Variants in ZNF117 observed in about 807,000 individuals in gnomAD.
The protein encoded by ZNF117 is zinc finger protein 117.
ZNF117 carries 37 observed loss-of-function variants against 41.2 expected under a neutral mutation model. The ratio of observed to expected loss-of-function variants is 0.90; its 90% confidence interval spans 0.69 to 1.18. ZNF117 has a LOEUF of 1.18. Among genes scored for constraint, ZNF117 ranks in the 50% most tolerant of loss-of-function variants. The probability of loss-of-function intolerance (pLI) is 0.00; values close to 1 mark genes in which losing one functional copy is unlikely to be tolerated. For synonymous variants in ZNF117, 186 were observed against 186.6 expected (o/e 1.00, Z 0.02); for missense variants, 546 against 557.5 (o/e 0.98, Z 0.21).
At chr7:64,988,778 G>A (rs1333129483) in intron 1 of ZNF117, among the ~76,000 whole-genome samples, 1 of 152,024 alleles carries the variant, frequency 6.6e-6, no homozygotes, top group Non-Finnish European at 1.5e-5. Context: ...ACAAAAATTA[G>A]TAGCATCCCT....
exon 3 of ZNF117, chr7:64,977,186 C>T (rs199791794): frequency 4.4e-4 from 196 of 446,662 alleles, no homozygotes; most frequent in Non-Finnish European, 7.4e-4. Context: ...GTTTAGTAAG[C>T]GTTGAGGACA....
chr7:64,985,036 C>A (rs2129120211), upstream of ZNF117, among the ~76,000 whole-genome samples: 1 of 152,318 alleles, frequency 6.6e-6, no homozygotes, highest in East Asian at 1.9e-4. Context: ...AGGTGATCCA[C>A]CCACCTTGGC....
chr7:64,981,144 T>A (rs1786022754), intron 2 of ZNF117: 2 of 498,232 alleles, frequency 4.0e-6, no homozygotes, highest in Non-Finnish European at 7.0e-6. Context: ...TTATATCCCA[T>A]GAAGAGGATG....
At chr7:64,977,940 A>T in exon 3 of ZNF117, 1 of 1,232,418 alleles carries the variant, frequency 8.1e-7, no homozygotes, top group Non-Finnish European at 1.2e-6. Context: ...ATGTGTAGAA[A>T]GGGTTGAAGA....
At chr7:64,981,103 CA>C (rs950760039) in intron 2 of ZNF117, 165 of 339,578 alleles carry the variant, frequency 4.9e-4, no homozygotes, top group South Asian at 6.4e-4. Flanking sequence ...AAAACAACAA[CA>C]AAAAAAAACC....
At chr7:64,982,931 G>A (rs868150501), upstream of ZNF117, among the ~76,000 whole-genome samples, 2 of 152,192 alleles carry the variant, frequency 1.3e-5, no homozygotes, top group Non-Finnish European at 2.9e-5. Context: ...ACAGAAAAAT[G>A]CAGCTTCACT....
At chr7:64,973,459 T>A (rs930223469), downstream of ZNF117, 1 of 151,930 alleles carries the variant, frequency 6.6e-6, no homozygotes, top group Non-Finnish European at 1.5e-5. Context: ...CGTTTAAAAA[T>A]TTAATAAGTT....
chr7:64,976,945 A>T, exon 3 of ZNF117: 1 of 531,100 alleles, frequency 1.9e-6, no homozygotes. Context: ...AGGGTTGATG[A>T]TAGGTTAGCT....
At chr7:64,977,772 AGAGTT>A (rs2129118369) in exon 3 of ZNF117, 5 of 924,944 alleles carry the variant, frequency 5.4e-6, no homozygotes, top group South Asian at 5.2e-5. Flanking sequence ...ATGTGTAGTA[AGAGTT>A]GAGAACTGGT....
At chr7:64,983,155 A>G (rs1481007995), upstream of ZNF117, among the ~76,000 whole-genome samples, 1 of 152,202 alleles carries the variant, frequency 6.6e-6, no homozygotes, top group Non-Finnish European at 1.5e-5. Flanking sequence ...CTGTTTGAAA[A>G]AGCATTTTAT....
At chr7:64,986,292 G>A (rs553880515), upstream of ZNF117, among the ~76,000 whole-genome samples, 14 of 152,206 alleles carry the variant, frequency 9.2e-5, no homozygotes, top group Admixed American at 7.2e-4. Flanking sequence ...GAAAATTTTG[G>A]GGGCTCCAAA....
upstream of ZNF117, chr7:64,982,198 T>C (rs1786047393): frequency 3.8e-6 from 2 of 520,770 alleles, no homozygotes; most frequent in Non-Finnish European, 6.8e-6. Flanking sequence ...AATTTCAAGG[T>C]AAAATAAAAC....
chr7:64,988,278 C>T (rs1178447975), intron 1 of ZNF117, among the ~76,000 whole-genome samples: 2 of 152,080 alleles, frequency 1.3e-5, no homozygotes, highest in East Asian at 3.9e-4. Flanking sequence ...GGCTTTATCC[C>T]TGGGATATGA....
rs763244403 is a variant in ZNF117, at chr7:64,978,187, TAGTA to T, written c.1380_1383del (p.Thr461HisfsTer4). Reference sequence around the variant, plus strand: ...TCTTCAGTATGAATTATCTTATGTGTAGTAAGTGTTGAAGATTGGTTAAAAGCTT... The same window carrying T: ...TCTTCAGTATGAATTATCTTATGTGTAGTGTTGAAGATTGGTTAAAAGCTT... On this transcript the variant is annotated frameshift_variant, in exon 3 of 3. Transcript: ENST00000620222. LOFTEE classifies it high-confidence loss of function. The T allele has an allele frequency of 4.3e-6, 7 of 1,612,590 alleles. No individual in the cohort carries two copies. In the African/African-American group the frequency reaches 8.0e-5, roughly 18 times the overall value.
In ZNF117 at chr7:64,981,487, T is replaced by TTA. The variant is rs1786032916; in HGVS notation, c.-62-6_-62-5insTA. 6.4e-7 allele frequency: 1 copy of TTA among 1,568,656 alleles called. No homozygotes were observed. The highest frequency in any genetic ancestry group is 8.8e-7 in the Non-Finnish European group (1 of 1,140,032). ...CTGGCTTAGAGACAGCAATACCTGT[T>TTA]TTATTGAAAATAAATAACATAAATC... On this transcript the variant is annotated splice_polypyrimidine_tract_variant and splice_region_variant and intron_variant, in intron 1 of 2. Transcript: ENST00000620222.
rs148032061 is a variant in ZNF117, at chr7:64,977,677, T to A, written c.*442A>T. Reference sequence around the variant, plus strand: ...GGTTTCTCTCCAGTATGAATTTTCTTATGTGTAGTAAGGTTTACGTATAGG... The same window carrying A: ...GGTTTCTCTCCAGTATGAATTTTCTAATGTGTAGTAAGGTTTACGTATAGG... On this transcript the variant is annotated 3_prime_UTR_variant, in exon 3 of 3. Transcript: ENST00000620222. 1,327 of 806,636 alleles carry A rather than the reference T, an allele frequency of 1.6e-3. 13 individuals are homozygous for A. The African/African-American group carries it at 0.017, about 10-fold the overall frequency. 50.0% of individuals were successfully genotyped at this position (806,636 alleles called of 1,614,324 possible).
chr7:64,989,442 A>ATT lies in ZNF117; in HGVS notation c.-196+503_-196+504dup, dbSNP rs1365088202. On this transcript the variant is annotated intron_variant, in intron 1 of 3. Coordinates refer to the ZNF117 transcript ENST00000282869. ...TAAAGACTTAAATGTAGAACTTAAAATTATATATATATATATATATATATA... is the reference window on the plus strand; with the variant it reads ...TAAAGACTTAAATGTAGAACTTAAAATTTTATATATATATATATATATATATA... Among the ~76,000 whole-genome samples, 33 of 82,084 alleles carry ATT rather than the reference A, an allele frequency of 4.0e-4. No homozygotes were observed. In the East Asian group the frequency reaches 7.0e-3, roughly 17 times the overall value. The allele number at this position is 82,084 out of a possible 152,430, so 53.9% of individuals were successfully genotyped here. A position where few individuals can be genotyped will look rare whatever the true frequency, so the allele number is the denominator to read the frequency against.
At chr7:64,986,806 C>T (rs1294289317), upstream of ZNF117, among the ~76,000 whole-genome samples, 1 of 152,016 alleles carries the variant, frequency 6.6e-6, no homozygotes, top group Non-Finnish European at 1.5e-5. Context: ...TGAATAAGAC[C>T]AGTTCTAAGA....
At chr7:64,989,446 TATATATATATATATATATATATA>T (rs1786207170) in intron 1 of ZNF117, among the ~76,000 whole-genome samples, 1 of 5,346 alleles carries the variant, frequency 1.9e-4, no homozygotes, top group South Asian at 3.3e-3. Context: ...CTTAAAATTA[TATATATATATATATATATATATA>T]TATATATATA....
Sources: allele counts gnomAD v4.1 joint callset (sites outside exome capture counted in the v4.1 genomes callset), GRCh38; gene constraint gnomAD v4.1.1; transcripts MANE v1.5; gene names NCBI Gene and HGNC (gene_info 2026-07-23, HGNC 2026-07-21).